RIN2: variants seen among roughly 807,000 people sequenced by gnomAD.
RIN2 encodes the protein RAB5 interacting protein 2.
RIN2 carries 36 observed loss-of-function variants against 78.0 expected under a neutral mutation model. That is an observed-to-expected ratio of 0.46 (90% CI 0.35 to 0.61). The LOEUF is 0.61. RIN2 is among the 20% of genes least tolerant of loss of function. The pLI, the probability that RIN2 is intolerant of heterozygous loss-of-function variation, is 0.00. For missense variants in RIN2, 1,087 were observed against 1,159.7 expected, an observed-to-expected ratio of 0.94 and a Z score of 0.91; for synonymous variants, 466 against 466.8, an observed-to-expected ratio of 1.00 and a Z score of 0.02.
chr20:19,891,272 A>C (rs965961546), intron 3 of RIN2, among the ~76,000 whole-genome samples: 1 of 152,176 alleles, frequency 6.6e-6, no homozygotes. Context: ...GGAGCTCCTC[A>C]AGTCCTCTGT....
chr20:19,910,933 C>T (rs879466291), intron 3 of RIN2, among the ~76,000 whole-genome samples: 35 of 152,216 alleles, frequency 2.3e-4, no homozygotes, highest in Admixed American at 7.9e-4. Context: ...GTTCAAAGAA[C>T]GCTTATATAT....
intron 2 of RIN2, among the ~76,000 whole-genome samples, chr20:19,856,095 A>G (rs1001147333): frequency 3.3e-5 from 5 of 152,086 alleles, no homozygotes; most frequent in Admixed American, 3.3e-4. Flanking sequence ...AAGAAGAAAA[A>G]TCTTTTAAGA....
At chr20:19,844,984 C>T (rs2036737214) in intron 2 of RIN2, among the ~76,000 whole-genome samples, 1 of 151,844 alleles carries the variant, frequency 6.6e-6, no homozygotes, top group African/African-American at 2.4e-5. Context: ...ACATCTGGTG[C>T]TTGGTTTTCT....
At chr20:19,875,002 A>G (rs1221649747) in intron 2 of RIN2, among the ~76,000 whole-genome samples, 1 of 151,926 alleles carries the variant, frequency 6.6e-6, no homozygotes, top group Non-Finnish European at 1.5e-5. Flanking sequence ...CTAGGATTAC[A>G]GGTGGGTGCC....
chr20:19,894,327 C>G (rs1347389999), intron 3 of RIN2, among the ~76,000 whole-genome samples: 1 of 152,102 alleles, frequency 6.6e-6, no homozygotes, highest in East Asian at 1.9e-4. Context: ...CCCATAGTTA[C>G]CCCCAAGCCA....
chr20:19,993,130 A>G (rs1272519276), intron 11 of RIN2, among the ~76,000 whole-genome samples: 1 of 152,206 alleles, frequency 6.6e-6, no homozygotes, highest in African/African-American at 2.4e-5. Context: ...CAGCCTTGAA[A>G]CGCAGAAATA....
intron 2 of RIN2, among the ~76,000 whole-genome samples, chr20:19,817,144 A>T (rs780738250): frequency 6.6e-6 from 1 of 152,370 alleles, no homozygotes; most frequent in African/African-American, 2.4e-5. Flanking sequence ...AAGTTGCAAC[A>T]CGTGTGTTAT....
chr20:19,971,274 T>A (rs1190290868), intron 8 of RIN2, among the ~76,000 whole-genome samples: 1 of 152,104 alleles, frequency 6.6e-6, no homozygotes, highest in Non-Finnish European at 1.5e-5. Flanking sequence ...TAACGTCTGT[T>A]CCACTTCCTC....
In RIN2 at chr20:20,001,402, A is replaced by G. The variant is rs771736464; in HGVS notation, c.*466A>G. On this transcript the variant is annotated 3_prime_UTR_variant, in exon 13 of 13. Coordinates refer to ENST00000255006, the MANE Select transcript of RIN2 (RefSeq NM_018993.4). ...TTTTTTTTTTTTACAAAGAGCCTTC[A>G]TGTTTTTATATATTTCATAGAAATT... 16 of 58,762 alleles carry G rather than the reference A, an allele frequency of 2.7e-4. No individual in the cohort carries two copies. Among genetic ancestry groups the G allele is most frequent in the African/African-American group, 1.0e-3 (15 of 14,454 alleles). 3.6% of individuals were successfully genotyped at this position (58,762 alleles called of 1,614,324 possible). A position where few individuals can be genotyped will look rare whatever the true frequency, so the allele number is the denominator to read the frequency against.
At chr20:19,994,369 G>T (rs1449440661) in intron 11 of RIN2, among the ~76,000 whole-genome samples, 2 of 152,210 alleles carry the variant, frequency 1.3e-5, no homozygotes, top group Non-Finnish European at 2.9e-5. Context: ...GTCCTCTTTG[G>T]TTTGCGGGGT....
intron 5 of RIN2, among the ~76,000 whole-genome samples, chr20:19,958,172 C>G (rs115395726): frequency 6.6e-6 from 1 of 152,216 alleles, no homozygotes; most frequent in Non-Finnish European, 1.5e-5. Context: ...AGAACTAAGA[C>G]GTCTGCTAGA....
chr20:19,852,829 GC>G (rs1475487225), intron 2 of RIN2, among the ~76,000 whole-genome samples: 1 of 152,024 alleles, frequency 6.6e-6, no homozygotes, highest in African/African-American at 2.4e-5. Context: ...AGGATAAGGT[GC>G]TTTACATATT....
intron 2 of RIN2, among the ~76,000 whole-genome samples, chr20:19,882,445 G>A (rs951599387): frequency 6.6e-6 from 1 of 152,092 alleles, no homozygotes; most frequent in Admixed American, 6.5e-5. Context: ...AAAATCCAAA[G>A]CTGCCAGATT....
chr20:19,772,995 CG>C (rs1000282076), intron 1 of RIN2, among the ~76,000 whole-genome samples: 1 of 152,150 alleles, frequency 6.6e-6, no homozygotes, highest in African/African-American at 2.4e-5. Context: ...CAAGGTGGCT[CG>C]AAACAACAGA....
intron 10 of RIN2, 105 bp from the exon 11 acceptor site, chr20:19,992,063 T>C (rs2042812922): frequency 2.3e-6 from 3 of 1,329,426 alleles, no homozygotes; most frequent in South Asian, 2.9e-5. Context: ...AATAGCACAG[T>C]TCCCCCCAGA....
chr20:19,987,583 T>C (rs1432065528), intron 9 of RIN2, among the ~76,000 whole-genome samples: 1 of 152,232 alleles, frequency 6.6e-6, no homozygotes, highest in African/African-American at 2.4e-5. Flanking sequence ...AATAGAATTA[T>C]TGCAAGGATT....
intron 4 of RIN2, among the ~76,000 whole-genome samples, chr20:19,942,334 G>A (rs781116994): frequency 2.0e-4 from 30 of 152,086 alleles, no homozygotes; most frequent in Non-Finnish European, 4.0e-4. Context: ...TAGGTCAGAG[G>A]TACATCAATT....
At chr20:19,877,687 T>C (rs1006557723) in intron 2 of RIN2, among the ~76,000 whole-genome samples, 2 of 152,076 alleles carry the variant, frequency 1.3e-5, no homozygotes, top group Admixed American at 6.5e-5. Context: ...CTTATACTTT[T>C]GCAAACCAGG....
chr20:19,859,201 C>G (rs2037257204), intron 2 of RIN2, among the ~76,000 whole-genome samples: 1 of 152,238 alleles, frequency 6.6e-6, no homozygotes, highest in South Asian at 2.1e-4. Context: ...AGCCATCCAA[C>G]TTCCAGGGAT....
Sources: gnomAD v4.1 joint callset for allele counts (sites outside exome capture counted in the v4.1 genomes callset) on GRCh38, gnomAD v4.1.1 for gene constraint, MANE v1.5 for transcripts, NCBI Gene and HGNC (gene_info 2026-07-23, HGNC 2026-07-21) for gene names.